The following SSPN variants were observed in gnomAD, a reference collection of about 807,000 sequenced individuals.
SSPN encodes the protein K-ras oncogene-associated protein.
In SSPN, 15 loss-of-function variants were observed where a neutral mutation model predicts 19.1. That is an observed-to-expected ratio of 0.78 (90% CI 0.52 to 1.21). The LOEUF (loss-of-function observed/expected upper bound fraction) is 1.21, where lower values mean the gene tolerates loss of function less well. Ranked by LOEUF, SSPN falls within the 50% of genes most tolerant of loss-of-function variation. The pLI is 0.00. For synonymous variants in SSPN, 147 were observed against 140.3 expected, an observed-to-expected ratio of 1.05 and a Z score of -0.34; for missense variants, 291 against 314.0, an observed-to-expected ratio of 0.93 and a Z score of 0.55.
At chr12:26,188,970 G>A (rs1320135292) in intron 1 of SSPN, among the ~76,000 whole-genome samples, 1 of 152,112 alleles carries the variant, frequency 6.6e-6, no homozygotes, top group Non-Finnish European at 1.5e-5. Context: ...AAGATAAAAT[G>A]TAAGTGGAAA....
rs192802874 is a variant in SSPN, at chr12:26,146,716, G to T, written c.-31+24564G>T. On this transcript the variant is annotated intron_variant, in intron 1 of 2. Coordinates refer to the SSPN transcript ENST00000538142. Reference sequence around the variant, plus strand: ...CATAGGCCTGTAATTTCAGCTACTTGGGAGGCTGAAGCAAGAGAATTGCTT... The same window carrying T: ...CATAGGCCTGTAATTTCAGCTACTTTGGAGGCTGAAGCAAGAGAATTGCTT... Among the ~76,000 whole-genome samples, 4 of 151,100 alleles carry T rather than the reference G, an allele frequency of 2.6e-5. No individual in the cohort carries two copies. In the Admixed American group the frequency reaches 2.7e-4, roughly 10 times the overall value.
chr12:26,187,324 A>G (rs1483522435), intron 1 of SSPN, among the ~76,000 whole-genome samples: 1 of 152,250 alleles, frequency 6.6e-6, no homozygotes, highest in Non-Finnish European at 1.5e-5. Context: ...TAGGCCCCCA[A>G]AATGATGTCC....
chr12:26,147,318 G>A (rs1944498583), intron 1 of SSPN, among the ~76,000 whole-genome samples: 1 of 150,748 alleles, frequency 6.6e-6, no homozygotes, highest in African/African-American at 2.4e-5. Context: ...TGTAGCCTAG[G>A]CTGTAGTACA....
intron 1 of SSPN, among the ~76,000 whole-genome samples, chr12:26,139,733 G>A (rs1476373958): frequency 6.6e-6 from 1 of 152,198 alleles, no homozygotes; most frequent in African/African-American, 2.4e-5. Flanking sequence ...ATAGTAAAAT[G>A]TTGTAAAATA....
intron 1 of SSPN, among the ~76,000 whole-genome samples, chr12:26,160,989 T>C (rs1168337996): frequency 2.0e-5 from 3 of 151,516 alleles, no homozygotes; most frequent in African/African-American, 7.3e-5. Context: ...TCATCTGTAG[T>C]CTTAGCTACT....
intron 1 of SSPN, among the ~76,000 whole-genome samples, chr12:26,138,143 T>G (rs993696347): frequency 1.9e-4 from 29 of 152,222 alleles, no homozygotes. Context: ...TCTAGATTAC[T>G]TATAATACCT....
intron 1 of SSPN, chr12:26,124,848 G>T: frequency 6.7e-7 from 1 of 1,495,842 alleles, no homozygotes; most frequent in Non-Finnish European, 9.3e-7. Flanking sequence ...GGGACGGTAG[G>T]CTTGGGAGAC....
intron 1 of SSPN, chr12:26,124,252 TG>T: frequency 1.1e-6 from 1 of 879,458 alleles, no homozygotes; most frequent in Non-Finnish European, 1.8e-6. Flanking sequence ...TACCCTCGTC[TG>T]CCCCCCCCGC....
chr12:26,144,366 A>C (rs1024074087), intron 1 of SSPN, among the ~76,000 whole-genome samples: 5 of 152,180 alleles, frequency 3.3e-5, no homozygotes, highest in African/African-American at 7.2e-5. Context: ...AATGGAGTAA[A>C]AGACCCAGAG....
intron 1 of SSPN, among the ~76,000 whole-genome samples, chr12:26,150,901 G>A (rs1177492190): frequency 6.6e-6 from 1 of 152,220 alleles, no homozygotes; most frequent in Non-Finnish European, 1.5e-5. Context: ...GGATTTTGAA[G>A]TCTGAAGTCA....
chr12:26,230,379 G>A (rs1945216910), intron 2 of SSPN, among the ~76,000 whole-genome samples: 1 of 152,114 alleles, frequency 6.6e-6, no homozygotes, highest in African/African-American at 2.4e-5. Flanking sequence ...TGTCATCCAG[G>A]GATGGCTAGC....
At chr12:26,174,182 G>A (rs1944669374) in intron 1 of SSPN, among the ~76,000 whole-genome samples, 1 of 152,104 alleles carries the variant, frequency 6.6e-6, no homozygotes, top group Admixed American at 6.5e-5. Context: ...AGAAATGTTA[G>A]GCATTATTTG....
At chr12:26,225,307 A>G (rs997466971) in intron 2 of SSPN, among the ~76,000 whole-genome samples, 1 of 152,194 alleles carries the variant, frequency 6.6e-6, no homozygotes, top group African/African-American at 2.4e-5. Flanking sequence ...GAAGCTGTTG[A>G]CATAAAAAAG....
chr12:26,215,891 A>G (rs911883384), intron 1 of SSPN, among the ~76,000 whole-genome samples: 1 of 152,224 alleles, frequency 6.6e-6, no homozygotes, highest in Non-Finnish European at 1.5e-5. Flanking sequence ...AAATTTCTTT[A>G]TGGGGAAACA....
chr12:26,148,795 G>A (rs894246539), intron 1 of SSPN, among the ~76,000 whole-genome samples: 4 of 152,154 alleles, frequency 2.6e-5, no homozygotes, highest in Non-Finnish European at 5.9e-5. Context: ...AAATGAAGAT[G>A]TTACGAGAAT....
chr12:26,209,614 C>T (rs1209236969), intron 1 of SSPN, among the ~76,000 whole-genome samples: 1 of 151,348 alleles, frequency 6.6e-6, no homozygotes, highest in Non-Finnish European at 1.5e-5. Flanking sequence ...TTTAATTTTT[C>T]ATTCTAGAAC....
intron 1 of SSPN, among the ~76,000 whole-genome samples, chr12:26,207,004 T>G (rs1028565098): frequency 2.0e-5 from 3 of 152,102 alleles, no homozygotes; most frequent in Non-Finnish European, 4.4e-5. Context: ...CAATTTAGTT[T>G]TAAAAACAAA....
At chr12:26,141,966 A>T (rs1374300853) in intron 1 of SSPN, among the ~76,000 whole-genome samples, 1 of 152,206 alleles carries the variant, frequency 6.6e-6, no homozygotes, top group Non-Finnish European at 1.5e-5. Context: ...CAGGCTCTCC[A>T]GAGGAATTAC....
chr12:26,137,636 G>GTGTATATATATATATATATA (rs1555175653), intron 1 of SSPN, among the ~76,000 whole-genome samples: 4 of 31,376 alleles, frequency 1.3e-4, no homozygotes, highest in Admixed American at 6.9e-4. Flanking sequence ...GTGTGTGTAT[G>GTGTATATATATATATATATA]TATATATATA....
Sources: allele counts gnomAD v4.1 joint callset (sites outside exome capture counted in the v4.1 genomes callset), GRCh38; gene constraint gnomAD v4.1.1; transcripts MANE v1.5; gene names NCBI Gene and HGNC (gene_info 2026-07-23, HGNC 2026-07-21).